The following RNF220 variants were observed in gnomAD, a reference collection of about 807,000 sequenced individuals.
RNF220 encodes the protein ring finger protein 220.
A neutral mutation model predicts 67.1 loss-of-function variants in RNF220; 7 were observed. That is an observed-to-expected ratio of 0.10 (90% CI 0.06 to 0.20). The LOEUF is 0.20. Ranked by LOEUF, RNF220 falls within the 10% of genes least tolerant of loss-of-function variation. RNF220 has a pLI of 1.00. For missense variants in RNF220, 565 were observed against 740.3 expected, an observed-to-expected ratio of 0.76 and a Z score of 2.75; for synonymous variants, 270 against 283.2, an observed-to-expected ratio of 0.95 and a Z score of 0.47.
intron 2 of RNF220, among the ~76,000 whole-genome samples, chr1:44,507,180 G>C (rs1308246249): frequency 2.0e-5 from 3 of 152,126 alleles, no homozygotes; most frequent in African/African-American, 7.2e-5. Context: ...TCTAGCGGCC[G>C]GATCTCTTCC....
rs950650879 is a variant in RNF220 at position 44,624,197 on chromosome 1, G to A, written c.804+1410G>A. The stretch of plus-strand genomic sequence containing the variant: ...GCAGCTGCAGACTCACAGAGGTAGC[G>A]AGCTACACTCACTGAGTGTGGCCCA... On this transcript the variant is annotated intron_variant, in intron 4 of 14. Transcript: ENST00000361799. The surrounding 1 kb of genome is among the most constrained non-coding windows in gnomAD (Gnocchi z 4.2). 6.6e-6 allele frequency among the ~76,000 whole-genome samples: 1 copy of A among 152,186 alleles called. No individual in the cohort carries two copies. Among genetic ancestry groups the A allele is most frequent in the Non-Finnish European group, 1.5e-5 (1 of 68,038 alleles).
intron 8 of RNF220, among the ~76,000 whole-genome samples, chr1:44,642,445 T>G (rs973644235): frequency 6.6e-6 from 1 of 152,092 alleles, no homozygotes; most frequent in Non-Finnish European, 1.5e-5. Context: ...GTAGGAGGCA[T>G]GGTTGGGCTG....
chr1:44,487,205 C>T (rs1483173064), intron 2 of RNF220, among the ~76,000 whole-genome samples: 1 of 151,686 alleles, frequency 6.6e-6, no homozygotes, highest in Non-Finnish European at 1.5e-5. Context: ...CATGGTGGTG[C>T]ATGCCTGTAG....
chr1:44,474,863 A>C (rs925868718), intron 2 of RNF220, among the ~76,000 whole-genome samples: 1 of 152,262 alleles, frequency 6.6e-6, no homozygotes. Context: ...TGAAAATACT[A>C]TGCCACCTTA....
intron 2 of RNF220, among the ~76,000 whole-genome samples, chr1:44,536,253 A>G (rs1011327560): frequency 6.6e-6 from 1 of 152,128 alleles, no homozygotes; most frequent in Non-Finnish European, 1.5e-5. Context: ...GGCAGAAACG[A>G]ACTCTTTGCA....
chr1:44,618,772 G>T (rs766994206), intron 3 of RNF220, among the ~76,000 whole-genome samples: 1 of 152,154 alleles, frequency 6.6e-6, no homozygotes, highest in Non-Finnish European at 1.5e-5. Context: ...GGAGGAGGTC[G>T]GCCAGGGTCC....
intron 2 of RNF220, among the ~76,000 whole-genome samples, chr1:44,466,431 C>A (rs2147977202): frequency 6.6e-6 from 1 of 152,348 alleles, no homozygotes; most frequent in East Asian, 1.9e-4. Context: ...GGCCCCCTCC[C>A]ATGAATCATG....
At chr1:44,441,371 T>A (rs894037149) in intron 2 of RNF220, among the ~76,000 whole-genome samples, 1 of 152,192 alleles carries the variant, frequency 6.6e-6, no homozygotes, top group African/African-American at 2.4e-5. Flanking sequence ...AAATTCAAGA[T>A]CTAGTATTTT....
At chr1:44,569,098 T>C (rs1287942258) in intron 2 of RNF220, among the ~76,000 whole-genome samples, 1 of 152,164 alleles carries the variant, frequency 6.6e-6, no homozygotes, top group Non-Finnish European at 1.5e-5. Context: ...AACACTTCAC[T>C]TGCGGGCAGT....
chr1:44,445,704 CCTT>C (rs756425878), intron 2 of RNF220, among the ~76,000 whole-genome samples: 4 of 150,730 alleles, frequency 2.7e-5, no homozygotes, highest in Admixed American at 6.6e-5. Context: ...TACCAACTCT[CCTT>C]CTTATCCCGC....
At chr1:44,577,014 A>G (rs557626009) in intron 2 of RNF220, among the ~76,000 whole-genome samples, 5 of 152,336 alleles carry the variant, frequency 3.3e-5, no homozygotes, top group African/African-American at 1.2e-4. Context: ...TTTGCCAAGT[A>G]TATATAGAGG....
intron 2 of RNF220, among the ~76,000 whole-genome samples, chr1:44,516,345 A>C (rs184511529): frequency 1.3e-5 from 2 of 152,350 alleles, no homozygotes; most frequent in Admixed American, 1.3e-4. Context: ...ACCTAAATCA[A>C]CTAGAGACCT....
Position 44,650,623 on chromosome 1 carries a change from G to T in RNF220, c.1630-81G>T. ...GTCTCAGCACACACTGGTGCAGAGA[G>T]ACATGGCTGCAGGCCCAGGTGCTCA... On this transcript the variant is annotated intron_variant, in intron 14 of 14. Coordinates refer to ENST00000361799, the MANE Select transcript of RNF220 (RefSeq NM_018150.4). This position sits in a 1 kb window ranked among gnomAD's most constrained non-coding sequence, Gnocchi z 4.3. 6.9e-7 allele frequency: 1 copy of T among 1,457,444 alleles called. No homozygotes were observed. The highest frequency in any genetic ancestry group is 9.6e-7 in the Non-Finnish European group (1 of 1,042,282). The allele number at this position is 1,457,444 out of a possible 1,614,324, so 90.3% of individuals were successfully genotyped here.
At chr1:44,501,934 T>A (rs372371558) in intron 2 of RNF220, among the ~76,000 whole-genome samples, 3 of 152,162 alleles carry the variant, frequency 2.0e-5, no homozygotes, top group African/African-American at 7.2e-5. Flanking sequence ...GCTTTCTCAA[T>A]GTTGGGAGAA....
chr1:44,404,787 C>T (rs1647215513), upstream of RNF220, among the ~76,000 whole-genome samples: 1 of 152,064 alleles, frequency 6.6e-6, no homozygotes. Context: ...GTCAAAGACC[C>T]AGAGAAGCAT....
chr1:44,605,769 C>T (rs1667232311), intron 2 of RNF220, among the ~76,000 whole-genome samples: 1 of 152,164 alleles, frequency 6.6e-6, no homozygotes, highest in Non-Finnish European at 1.5e-5. Context: ...AAGAGTTAGC[C>T]AGGTTGTGCA....
chr1:44,491,477 C>T (rs1467198499), intron 2 of RNF220, among the ~76,000 whole-genome samples: 3 of 151,996 alleles, frequency 2.0e-5, no homozygotes, highest in South Asian at 2.1e-4. Context: ...CATATTAATA[C>T]AAGAGAGAAC....
At chr1:44,515,083 A>G (rs1205587707) in intron 2 of RNF220, among the ~76,000 whole-genome samples, 1 of 152,222 alleles carries the variant, frequency 6.6e-6, no homozygotes, top group Non-Finnish European at 1.5e-5. Flanking sequence ...CAAGTCCAGG[A>G]GGCTGGTGTT....
At chr1:44,550,235 G>T (rs1174355533) in intron 2 of RNF220, among the ~76,000 whole-genome samples, 1 of 152,254 alleles carries the variant, frequency 6.6e-6, no homozygotes, top group African/African-American at 2.4e-5. Flanking sequence ...TTTTGGAGAA[G>T]TGGGCCAAGA....
Sources: gnomAD v4.1 joint callset for allele counts (sites outside exome capture counted in the v4.1 genomes callset) on GRCh38, gnomAD v4.1.1 for gene constraint, Gnocchi (gnomAD v3.1) non-coding constraint, MANE v1.5 for transcripts, NCBI Gene and HGNC (gene_info 2026-07-23, HGNC 2026-07-21) for gene names.